Variants in CACNA2D3 observed in about 807,000 individuals in gnomAD.
CACNA2D3 encodes calcium voltage-gated channel auxiliary subunit alpha2delta 3, also known as voltage-dependent calcium channel subunit alpha-2/delta-3.
CACNA2D3 carries 60 observed loss-of-function variants against 160.6 expected under a neutral mutation model. The ratio of observed to expected loss-of-function variants is 0.37; its 90% CI spans 0.30 to 0.46. The LOEUF is 0.46. Ranked by LOEUF, CACNA2D3 falls within the 20% of genes least tolerant of loss-of-function variation. The pLI is 1.00. For synonymous variants in CACNA2D3, 558 were observed against 492.9 expected, an observed-to-expected ratio of 1.13 and a Z score of -1.75; for missense variants, 1,205 against 1,365.0, an observed-to-expected ratio of 0.88 and a Z score of 1.85.
At chr3:54,351,811 T>C (rs1698569757) in intron 3 of CACNA2D3, among the ~76,000 whole-genome samples, 1 of 152,234 alleles carries the variant, frequency 6.6e-6, no homozygotes. Flanking sequence ...CTCGGCTCTC[T>C]TTCGGCCTCC....
intron 18 of CACNA2D3, 96 bp from the exon 19 acceptor site, chr3:54,878,922 C>T: frequency 1.5e-6 from 1 of 656,332 alleles, no homozygotes; most frequent in Non-Finnish European, 2.6e-6. Context: ...GGTGTAAGTT[C>T]AATATGGAGG....
chr3:54,665,841 A>G (rs1435552152), intron 11 of CACNA2D3, among the ~76,000 whole-genome samples: 2 of 148,884 alleles, frequency 1.3e-5, no homozygotes, highest in African/African-American at 2.5e-5. Context: ...AGGTTCCGCC[A>G]CCCAGGCTGG....
At chr3:54,335,491 G>C (rs1190754991) in intron 3 of CACNA2D3, among the ~76,000 whole-genome samples, 1 of 152,188 alleles carries the variant, frequency 6.6e-6, no homozygotes, top group African/African-American at 2.4e-5. Context: ...CATGGTGCTG[G>C]TGGGATTGTA....
intron 12 of CACNA2D3, among the ~76,000 whole-genome samples, chr3:54,755,058 A>G (rs1340075207): frequency 6.6e-6 from 1 of 152,216 alleles, no homozygotes; most frequent in African/African-American, 2.4e-5. Context: ...GCATACAGCC[A>G]GGAATGGCCA....
intron 2 of CACNA2D3, among the ~76,000 whole-genome samples, chr3:54,241,161 T>G (rs1308089443): frequency 6.6e-6 from 1 of 152,212 alleles, no homozygotes; most frequent in Non-Finnish European, 1.5e-5. Context: ...AGTCTATATC[T>G]TTGCTTTTAT....
intron 10 of CACNA2D3, among the ~76,000 whole-genome samples, chr3:54,633,016 G>A (rs879305169): frequency 2.6e-5 from 4 of 152,174 alleles, no homozygotes; most frequent in African/African-American, 7.2e-5. Flanking sequence ...ATGTGCAGTC[G>A]GAGTTGCAGG....
intron 5 of CACNA2D3, among the ~76,000 whole-genome samples, chr3:54,525,470 A>G (rs1453674951): frequency 6.6e-6 from 1 of 152,176 alleles, no homozygotes; most frequent in Non-Finnish European, 1.5e-5. Flanking sequence ...TGCTCTAAGC[A>G]TGCAGAACTT....
chr3:54,264,944 A>G (rs1055283798), intron 2 of CACNA2D3, among the ~76,000 whole-genome samples: 7 of 152,174 alleles, frequency 4.6e-5, no homozygotes, highest in Non-Finnish European at 1.0e-4. Flanking sequence ...ATAGTATTCC[A>G]TGGTGTATAT....
At chr3:54,249,380 C>T (rs2107420917) in intron 2 of CACNA2D3, among the ~76,000 whole-genome samples, 1 of 152,148 alleles carries the variant, frequency 6.6e-6, no homozygotes, top group Non-Finnish European at 1.5e-5. Context: ...CATTAAAGGC[C>T]TGAGTAGAAT....
intron 4 of CACNA2D3, among the ~76,000 whole-genome samples, chr3:54,445,236 T>C (rs1170043569): frequency 6.6e-6 from 1 of 152,140 alleles, no homozygotes; most frequent in Non-Finnish European, 1.5e-5. Flanking sequence ...GAAAGCTAGG[T>C]CCACTGTTGC....
intron 3 of CACNA2D3, among the ~76,000 whole-genome samples, chr3:54,338,467 C>CTGTG (rs71074965): frequency 0.038 from 5,229 of 136,452 alleles, 118 homozygotes; most frequent in Middle Eastern, 0.057. Flanking sequence ...TCTCCCCTCC[C>CTGTG]TGTGTGTGTG....
intron 4 of CACNA2D3, among the ~76,000 whole-genome samples, chr3:54,501,381 C>T (rs1034875480): frequency 1.3e-5 from 2 of 150,384 alleles, no homozygotes; most frequent in African/African-American, 4.9e-5. Context: ...TTTTATGTAC[C>T]TTCATTTATT....
chr3:54,376,349 A>T (rs956985114), intron 3 of CACNA2D3, among the ~76,000 whole-genome samples: 3 of 152,210 alleles, frequency 2.0e-5, no homozygotes, highest in African/African-American at 7.2e-5. Flanking sequence ...ATCATTTATG[A>T]GCATTCCTGC....
At chr3:54,161,409 G>A (rs1700341971) in intron 2 of CACNA2D3, among the ~76,000 whole-genome samples, 1 of 152,182 alleles carries the variant, frequency 6.6e-6, no homozygotes, top group African/African-American at 2.4e-5. Context: ...CAAAAACATA[G>A]GCCTGTGAAC....
At chr3:54,410,269 G>T (rs1282831468) in intron 4 of CACNA2D3, among the ~76,000 whole-genome samples, 2 of 152,074 alleles carry the variant, frequency 1.3e-5, no homozygotes, top group Non-Finnish European at 2.9e-5. Flanking sequence ...CAGGAGAATT[G>T]CTTGAACCCG....
chr3:54,246,566 GTCTGTAATCCCAGCTACTTGGGAGGCGGC>G (rs1702083610), intron 2 of CACNA2D3, among the ~76,000 whole-genome samples: 1 of 2,000 alleles, frequency 5.0e-4, no homozygotes, highest in African/African-American at 6.0e-3. Context: ...GGTTGCGGCT[GTCTGTAATCCCAGCTACTTGGGAGGCGGC>G]TGTCTGTAAT....
intron 27 of CACNA2D3, among the ~76,000 whole-genome samples, chr3:54,959,018 C>T (rs1027710910): frequency 3.3e-5 from 5 of 152,082 alleles, no homozygotes; most frequent in Non-Finnish European, 7.4e-5. Context: ...GGATAATTGC[C>T]TGAGCCTGGG....
intron 4 of CACNA2D3, among the ~76,000 whole-genome samples, chr3:54,493,734 G>C (rs1007190342): frequency 5.3e-5 from 8 of 152,212 alleles, no homozygotes; most frequent in Non-Finnish European, 8.8e-5. Flanking sequence ...GCATCCTGCT[G>C]CCTGGGTTGA....
chr3:54,349,185 C>T (rs1459520381), intron 3 of CACNA2D3, among the ~76,000 whole-genome samples: 1 of 152,090 alleles, frequency 6.6e-6, no homozygotes, highest in East Asian at 1.9e-4. Flanking sequence ...CTTGCAATTG[C>T]AGCTCTCAGC....
Sources: allele counts gnomAD v4.1 joint callset (sites outside exome capture counted in the v4.1 genomes callset), GRCh38; gene constraint gnomAD v4.1.1; transcripts MANE v1.5; gene names NCBI Gene and HGNC (gene_info 2026-07-23, HGNC 2026-07-21).